The following PRR33 variants were observed in gnomAD, a reference collection of about 807,000 sequenced individuals.
PRR33 encodes the protein proline rich 33.
A neutral mutation model predicts 0.5 loss-of-function variants in PRR33; 1 was observed. The ratio of observed to expected loss-of-function variants is 2.18; its 90% confidence interval spans 0.77 to 10.34. The LOEUF (loss-of-function observed/expected upper bound fraction) is 10.34, where lower values mean the gene tolerates loss of function less well. Ranked by LOEUF, PRR33 falls within the 30% of genes most tolerant of loss-of-function variation. The pLI, the probability that PRR33 is intolerant of heterozygous loss-of-function variation, is 0.13. For missense variants in PRR33, 552 were observed against 251.8 expected (o/e 2.19, Z -8.07); for synonymous variants, 226 against 110.0 (o/e 2.06, Z -6.60).
At chr11:1,893,774 T>C (rs1431590655), upstream of PRR33, among the ~76,000 whole-genome samples, 1 of 146,136 alleles carries the variant, frequency 6.8e-6, no homozygotes, top group Non-Finnish European at 1.5e-5. Context: ...TGAGAGTGGA[T>C]GGACAGGTGG....
At chr11:1,901,298 G>T in the PRR33 span, among the ~76,000 whole-genome samples, 2 of 150,670 alleles carry the variant, frequency 1.3e-5, no homozygotes. Context: ...GGCGACAAGA[G>T]CAAAACACCA....
the PRR33 span, among the ~76,000 whole-genome samples, chr11:1,900,283 C>A: frequency 6.6e-6 from 1 of 152,086 alleles, no homozygotes; most frequent in East Asian, 1.9e-4. Flanking sequence ...TTGACTTGGA[C>A]GATGGATTTA....
At chr11:1,912,960 T>C in the PRR33 span, among the ~76,000 whole-genome samples, 1 of 152,168 alleles carries the variant, frequency 6.6e-6, no homozygotes, top group Non-Finnish European at 1.5e-5. Context: ...TTATTTTTCA[T>C]TCTATTAACC....
At chr11:1,907,052 C>CG in the PRR33 span, among the ~76,000 whole-genome samples, 1 of 152,338 alleles carries the variant, frequency 6.6e-6, no homozygotes, top group Non-Finnish European at 1.5e-5. Flanking sequence ...ATTCCCAGCC[C>CG]GGGAAGCACT....
upstream of PRR33, among the ~76,000 whole-genome samples, chr11:1,894,652 T>C (rs1243959710): frequency 1.3e-5 from 2 of 152,202 alleles, no homozygotes; most frequent in Non-Finnish European, 2.9e-5. Context: ...GCTGTGTCTG[T>C]TGTAAACACT....
chr11:1,907,372 C>G, the PRR33 span, among the ~76,000 whole-genome samples: 1 of 152,272 alleles, frequency 6.6e-6, no homozygotes. Context: ...AACATTGTTC[C>G]CCAGCATGAA....
the PRR33 span, among the ~76,000 whole-genome samples, chr11:1,907,079 G>T: frequency 2.0e-5 from 3 of 152,248 alleles, no homozygotes; most frequent in Non-Finnish European, 2.9e-5. Flanking sequence ...CACGGCCCAC[G>T]TGTGGGATCT....
the PRR33 span, among the ~76,000 whole-genome samples, chr11:1,909,471 C>T: frequency 1.3e-5 from 2 of 152,082 alleles, no homozygotes; most frequent in Admixed American, 6.5e-5. Flanking sequence ...ATTAGCCGGG[C>T]GTGGTGGCAC....
chr11:1,903,618 T>C, the PRR33 span, among the ~76,000 whole-genome samples: 1 of 152,202 alleles, frequency 6.6e-6, no homozygotes, highest in African/African-American at 2.4e-5. Context: ...ACCGTAATTT[T>C]CATTCACCTT....
At chr11:1,900,240 G>T in the PRR33 span, among the ~76,000 whole-genome samples, 1 of 152,074 alleles carries the variant, frequency 6.6e-6, no homozygotes, top group Admixed American at 6.6e-5. Flanking sequence ...CAGGTGCATA[G>T]CACTGTTTAT....
At chr11:1,912,658 G>A in the PRR33 span, among the ~76,000 whole-genome samples, 2 of 152,166 alleles carry the variant, frequency 1.3e-5, no homozygotes, top group Admixed American at 6.5e-5. Flanking sequence ...AGGCTGGAGC[G>A]CAGTGGCGAG....
At chr11:1,915,954 G>A in the PRR33 span, among the ~76,000 whole-genome samples, 1 of 150,416 alleles carries the variant, frequency 6.6e-6, no homozygotes, top group African/African-American at 2.5e-5. Flanking sequence ...GATGGCGGGA[G>A]GGATAGATGA....
At chr11:1,890,813 A>G (rs1462787872) in exon 1 of PRR33, 1 of 579,026 alleles carries the variant, frequency 1.7e-6, no homozygotes, top group Non-Finnish European at 3.1e-6. Flanking sequence ...ATGAGGCCAC[A>G]GAGGCCGAGT....
upstream of PRR33, among the ~76,000 whole-genome samples, chr11:1,894,598 G>A (rs1367169963): frequency 6.6e-6 from 1 of 152,116 alleles, no homozygotes; most frequent in Non-Finnish European, 1.5e-5. Flanking sequence ...CTCCTTGTCT[G>A]ACTTCTGTCA....
the PRR33 span, among the ~76,000 whole-genome samples, chr11:1,905,582 G>T: frequency 6.6e-6 from 1 of 151,888 alleles, no homozygotes; most frequent in African/African-American, 2.4e-5. Context: ...GGGATTATAG[G>T]CGTGTGCCAC....
At chr11:1,896,309 T>C (rs1265061814), upstream of PRR33, among the ~76,000 whole-genome samples, 3 of 152,242 alleles carry the variant, frequency 2.0e-5, no homozygotes, top group Non-Finnish European at 4.4e-5. Context: ...TTTATTCAGG[T>C]CTTCTTCCAC....
At chr11:1,905,887 C>T in the PRR33 span, among the ~76,000 whole-genome samples, 1 of 151,924 alleles carries the variant, frequency 6.6e-6, no homozygotes, top group Non-Finnish European at 1.5e-5. Context: ...GGTGCAATCA[C>T]AGCTCATGGC....
At chr11:1,895,999 C>A (rs1589840561), upstream of PRR33, among the ~76,000 whole-genome samples, 4 of 152,166 alleles carry the variant, frequency 2.6e-5, no homozygotes, top group East Asian at 3.9e-4. Context: ...CAGAGTGAGA[C>A]CCTGCCTGAA....
At chr11:1,895,376 G>A (rs147335063), upstream of PRR33, among the ~76,000 whole-genome samples, 3,021 of 152,078 alleles carry the variant, frequency 0.02, 106 homozygotes, top group African/African-American at 0.07. Context: ...CAAGTGATCC[G>A]CCTGCCTTAG....
Sources: allele counts gnomAD v4.1 joint callset (sites outside exome capture counted in the v4.1 genomes callset), GRCh38; gene constraint gnomAD v4.1.1; transcripts MANE v1.5; gene names NCBI Gene and HGNC (gene_info 2026-07-23, HGNC 2026-07-21).